DOCK9: variants seen among roughly 807,000 people sequenced by gnomAD.
DOCK9 encodes dedicator of cytokinesis 9, also known as dedicator of cytokinesis protein 9.
A neutral mutation model predicts 263.3 loss-of-function variants in DOCK9; 89 were observed. The observed-to-expected ratio is 0.34, with a 90% confidence interval of 0.28 to 0.40. DOCK9 has a LOEUF of 0.40. Among genes scored for constraint, DOCK9 ranks in the 10% least tolerant of loss-of-function variants. The probability of loss-of-function intolerance (pLI) is 1.00; values close to 1 mark genes in which losing one functional copy is unlikely to be tolerated. For missense variants in DOCK9, 2,140 were observed against 2,603.4 expected, an observed-to-expected ratio of 0.82 and a Z score of 3.87; for synonymous variants, 976 against 973.1, an observed-to-expected ratio of 1.00 and a Z score of -0.06.
rs551272325 is a variant in DOCK9 at position 98,881,983 on chromosome 13, C to T, written c.2584G>A (p.Val862Met). 1.2e-5 allele frequency: 19 copies of T among 1,595,058 alleles called. No homozygotes were observed. The highest frequency in any genetic ancestry group is 3.3e-4 in the Middle Eastern group (2 of 6,068). Residue 862 changes from valine (V) to methionine (M), a missense_variant, in exon 24 of 53, where the codon GTG becomes ATG. Physicochemically the swap from Val to Met is conservative, Grantham distance 21 (BLOSUM62 1). This residue lies in a region of DOCK9 where 1,521 missense variants were observed against 1,741.7 expected (regional missense o/e 0.87). Transcript: ENST00000682017. ...LKSLHAMEGH[V>M]MIAFLPTILN... ...ATAGTGGGCAAGAAGGCGATCATCA[C>T]GTGGCCTTCCATCGCATGCAGACTC...
At chr13:99,042,888 T>C (rs1034504302) in intron 1 of DOCK9, among the ~76,000 whole-genome samples, 2 of 152,076 alleles carry the variant, frequency 1.3e-5, no homozygotes, top group African/African-American at 4.8e-5. Flanking sequence ...GGCAGATCTT[T>C]TGCCATGTAG....
intron 52 of DOCK9, among the ~76,000 whole-genome samples, chr13:98,795,351 C>T (rs2089242198): frequency 6.6e-6 from 1 of 152,182 alleles, no homozygotes; most frequent in Admixed American, 6.5e-5. Context: ...AGTATCTTTC[C>T]ATGCCCAGTG....
intron 2 of DOCK9, among the ~76,000 whole-genome samples, chr13:98,931,880 G>C (rs973350153): frequency 6.7e-6 from 1 of 149,788 alleles, no homozygotes; most frequent in Non-Finnish European, 1.5e-5. Context: ...TTACAGGTGT[G>C]AGCCACCACA....
At chr13:99,072,282 A>G (rs2041713312) in intron 1 of DOCK9, among the ~76,000 whole-genome samples, 1 of 152,140 alleles carries the variant, frequency 6.6e-6, no homozygotes, top group African/African-American at 2.4e-5. Flanking sequence ...TCCATAAAGT[A>G]CAGTGTGCAT....
intron 35 of DOCK9, among the ~76,000 whole-genome samples, chr13:98,852,439 G>GA (rs939360402): frequency 1.4e-4 from 21 of 146,478 alleles, no homozygotes; most frequent in African/African-American, 3.5e-4. Flanking sequence ...TGGGGTTGGG[G>GA]AAAAAAAAAA....
At chr13:98,833,656 A>C (rs1371567434) in intron 39 of DOCK9, among the ~76,000 whole-genome samples, 2 of 152,172 alleles carry the variant, frequency 1.3e-5, no homozygotes, top group African/African-American at 4.8e-5. Context: ...ACCTGTTGTA[A>C]ACCTCAAATA....
intron 27 of DOCK9, among the ~76,000 whole-genome samples, chr13:98,874,553 T>G (rs535378276): frequency 6.6e-5 from 10 of 152,326 alleles, no homozygotes; most frequent in African/African-American, 2.4e-4. Flanking sequence ...CTGAATAATC[T>G]CCCTTACTCA....
At chr13:98,848,700 A>G (rs1282578675) in intron 36 of DOCK9, 61 bp from the exon 37 acceptor site, 2 of 1,484,768 alleles carry the variant, frequency 1.3e-6, no homozygotes, top group Admixed American at 1.9e-5. Flanking sequence ...TCGGGACGTT[A>G]TTTATCTGTT....
rs1331658581 is a variant in DOCK9 at position 98,891,974 on chromosome 13, G to A, written c.1710-3263C>T. On this transcript the variant is annotated intron_variant, in intron 15 of 52. Transcript: ENST00000682017. ...TGCACTTCCAAAGTGGTGGTTGTGT[G>A]CGTGTTACACAAACTGAATTCTTTC... 2.0e-5 allele frequency among the ~76,000 whole-genome samples: 3 copies of A among 152,204 alleles called. No homozygotes were observed. In the East Asian group the frequency reaches 5.8e-4, roughly 29 times the overall value.
chr13:98,977,623 G>T (rs945711371), intron 1 of DOCK9, among the ~76,000 whole-genome samples, 161 bp downstream of exon 1: 1 of 152,154 alleles, frequency 6.6e-6, no homozygotes, highest in Non-Finnish European at 1.5e-5. Context: ...GAATCAAAGG[G>T]GAATCGAAGT....
Position 99,026,945 on chromosome 13 carries a change from C to T in DOCK9, c.129+59278G>A, listed in dbSNP as rs140760741. Among the ~76,000 whole-genome samples, 23 of 151,908 alleles carry T rather than the reference C, an allele frequency of 1.5e-4. No individual in the cohort carries two copies. In the East Asian group the frequency reaches 3.5e-3, roughly 23 times the overall value. ...AGAGTACCTTTAACAGTGTGCTACA[C>T]GGGAATGAATTCCTGCTATATTCCA... On this transcript the variant is annotated intron_variant, in intron 1 of 32. Transcript: ENST00000427887.
At chr13:98,864,167 A>G (rs1008184515) in intron 30 of DOCK9, among the ~76,000 whole-genome samples, 3 of 152,208 alleles carry the variant, frequency 2.0e-5, no homozygotes, top group African/African-American at 7.2e-5. Context: ...TTCTCCTAAT[A>G]TTTCTCCACC....
Position 98,810,274 on chromosome 13 carries a change from G to A in DOCK9, c.5148C>T (p.Leu1716=), listed in dbSNP as rs372052139. 1.7e-5 allele frequency: 28 copies of A among 1,613,648 alleles called. No individual in the cohort carries two copies. In the African/African-American group the frequency reaches 3.7e-4, roughly 22 times the overall value. Residue 1716 remains leucine (L), a synonymous_variant, in exon 46 of 53, where the codon CTC becomes CTT. Coordinates refer to ENST00000682017, the MANE Select transcript of DOCK9 (RefSeq NM_001366683.2). ...AGAGTCCATCTGCGCACTGCTCAAG[G>A]AGCTCCATCAGCACATCCTGATCAA... ...VHFNEDVLME[L]LEQCADGLWK...
chr13:98,884,371 A>G (rs1472854951), intron 21 of DOCK9, among the ~76,000 whole-genome samples: 2 of 152,260 alleles, frequency 1.3e-5, no homozygotes, highest in Non-Finnish European at 2.9e-5. Flanking sequence ...CTTCTTTGGG[A>G]AAATTTAACT....
chr13:98,950,041 A>G, intron 2 of DOCK9: 1 of 470,982 alleles, frequency 2.1e-6, no homozygotes, highest in Non-Finnish European at 4.0e-6. Context: ...CCCAGTTCAC[A>G]TAAGGTTCTA....
intron 1 of DOCK9, among the ~76,000 whole-genome samples, chr13:99,069,848 T>C (rs1421264738): frequency 6.6e-6 from 1 of 152,250 alleles, no homozygotes; most frequent in Non-Finnish European, 1.5e-5. Flanking sequence ...GTTTTGACAC[T>C]TTTAGACAAT....
At chr13:98,822,144 T>G (rs1467577553) in intron 45 of DOCK9, among the ~76,000 whole-genome samples, 7 of 152,228 alleles carry the variant, frequency 4.6e-5, no homozygotes, top group Admixed American at 2.6e-4. Context: ...CAGATTGTCA[T>G]GTACTATGGA....
At chr13:98,903,974 A>G in intron 10 of DOCK9, among the ~76,000 whole-genome samples, 1 of 152,186 alleles carries the variant, frequency 6.6e-6, no homozygotes, top group Non-Finnish European at 1.5e-5. Flanking sequence ...ATGGGGGAAG[A>G]AGGAAAGGAA....
intron 50 of DOCK9, 119 bp from the exon 51 acceptor site, chr13:98,797,608 C>T (rs1465097391): frequency 1.6e-5 from 13 of 792,000 alleles, no homozygotes; most frequent in Non-Finnish European, 2.4e-5. Flanking sequence ...CAATCCCTGC[C>T]TTCCAGGAAC....
Sources: allele counts gnomAD v4.1 joint callset (sites outside exome capture counted in the v4.1 genomes callset), GRCh38; gene constraint gnomAD v4.1.1; regional missense constraint gnomAD v4.1.1; transcripts MANE v1.5; gene names NCBI Gene and HGNC (gene_info 2026-07-23, HGNC 2026-07-21).